The following TULP4 variants were observed in gnomAD, a reference collection of about 807,000 sequenced individuals.
TULP4 encodes tubby-related protein 4.
In TULP4, 16 loss-of-function variants were observed where a neutral mutation model predicts 129.0. That is an observed-to-expected ratio of 0.12 (90% CI 0.08 to 0.19). The LOEUF is 0.19. Among genes scored for constraint, TULP4 ranks in the 10% least tolerant of loss-of-function variants. The pLI is 1.00. For missense variants in TULP4, 1,842 were observed against 2,059.1 expected, an observed-to-expected ratio of 0.89 and a Z score of 2.04; for synonymous variants, 998 against 854.0, an observed-to-expected ratio of 1.17 and a Z score of -2.94.
chr6:158,427,471 CTTTTTTTTTTTTTTTTTTTTTTTT>C lies in TULP4; in HGVS notation c.382-2247_382-2224del, dbSNP rs557678837. The stretch of plus-strand genomic sequence containing the variant: ...AAATTCCTTTTCAAAATTATCAGAC[CTTTTTTTTTTTTTTTTTTTTTTTT>C]TTTTTTTTTTTTTTTTTGAGACGGA... On this transcript the variant is annotated intron_variant, in intron 2 of 13. Coordinates refer to ENST00000367097, the MANE Select transcript of TULP4 (RefSeq NM_020245.5). Among the ~76,000 whole-genome samples, 205 of 74,140 alleles carry C rather than the reference CTTTTTTTTTTTTTTTTTTTTTTTT, an allele frequency of 2.8e-3. 2 individuals are homozygous for C. The highest frequency in any genetic ancestry group is 3.5e-3 in the Non-Finnish European group (150 of 42,370). The allele number at this position is 74,140 out of a possible 152,430, so 48.6% of individuals were successfully genotyped here. A position where few individuals can be genotyped will look rare whatever the true frequency, so the allele number is the denominator to read the frequency against.
chr6:158,485,274 GA>G (rs1311611638), intron 8 of TULP4, among the ~76,000 whole-genome samples: 1 of 152,172 alleles, frequency 6.6e-6, no homozygotes, highest in Non-Finnish European at 1.5e-5. Flanking sequence ...AAGATGAATG[GA>G]AGAAGGAATT....
chr6:158,445,635 C>T (rs1441813515), intron 3 of TULP4, among the ~76,000 whole-genome samples: 1 of 152,134 alleles, frequency 6.6e-6, no homozygotes, highest in Non-Finnish European at 1.5e-5. Flanking sequence ...GGCCCAGAAG[C>T]CTTCACACAT....
chr6:158,276,456 C>A (rs1778648105), intron 1 of TULP4, among the ~76,000 whole-genome samples: 1 of 151,266 alleles, frequency 6.6e-6, no homozygotes. Flanking sequence ...AGGTGTGCAA[C>A]CACCCCCTGG....
chr6:158,446,512 A>G (rs1779046569), intron 3 of TULP4, among the ~76,000 whole-genome samples: 1 of 152,202 alleles, frequency 6.6e-6, no homozygotes, highest in Non-Finnish European at 1.5e-5. Flanking sequence ...TGGAAAAATG[A>G]GTATTAATTC....
chr6:158,474,434 G>C (rs1779765296), intron 6 of TULP4, among the ~76,000 whole-genome samples: 1 of 152,164 alleles, frequency 6.6e-6, no homozygotes, highest in Non-Finnish European at 1.5e-5. Context: ...ATTTTCAGAA[G>C]ACTCTATCCA....
chr6:158,461,640 C>T lies in TULP4; in HGVS notation c.937C>T (p.Leu313Phe). ...GMERQTQLGE[L>F]PNGPLLKSAM... The stretch of plus-strand genomic sequence containing the variant: ...GGAACGGCAGACCCAGCTTGGTGAG[C>T]TTCCCAATGGTCCCCTTCTGAAGAG... The change falls in exon 6 of 14, where the codon CTT becomes TTT. Residue 313 changes from leucine to phenylalanine, a missense_variant. Physicochemically the swap from Leu to Phe is conservative, Grantham distance 22. Coordinates refer to ENST00000367097, the MANE Select transcript of TULP4 (RefSeq NM_020245.5). The T allele has an allele frequency of 1.2e-6, 2 of 1,614,024 alleles. No individual in the cohort carries two copies. Among genetic ancestry groups the T allele is most frequent in the Non-Finnish European group, 1.7e-6 (2 of 1,180,028 alleles).
chr6:158,349,815 C>A (rs1780454875), intron 1 of TULP4, among the ~76,000 whole-genome samples: 1 of 144,358 alleles, frequency 6.9e-6, no homozygotes, highest in African/African-American at 2.6e-5. Flanking sequence ...AGGCGCTCCT[C>A]ACCTCCCAGA....
At chr6:158,311,351 A>G (rs1387838293), upstream of TULP4, among the ~76,000 whole-genome samples, 1 of 151,946 alleles carries the variant, frequency 6.6e-6, no homozygotes, top group Admixed American at 6.5e-5. Context: ...GCTTTCTGGA[A>G]GGACTGGCGG....
intron 1 of TULP4, among the ~76,000 whole-genome samples, chr6:158,239,312 G>A (rs1777800834): frequency 1.8e-5 from 1 of 56,578 alleles, no homozygotes; most frequent in Admixed American, 1.6e-4. Context: ...GGGCGGCCGG[G>A]CAGAGGCGCC....
intron 1 of TULP4, among the ~76,000 whole-genome samples, chr6:158,367,050 T>C (rs1776927448): frequency 8.6e-6 from 1 of 116,038 alleles, no homozygotes; most frequent in Non-Finnish European, 1.8e-5. Flanking sequence ...ACTTTGCTTT[T>C]GGATTGAAAA....
chr6:158,495,487 C>T (rs1780316292), intron 11 of TULP4, among the ~76,000 whole-genome samples: 1 of 152,144 alleles, frequency 6.6e-6, no homozygotes. Context: ...AGGCCTTTTG[C>T]TGTGGGCGGA....
In TULP4 at chr6:158,332,200, AATATATATATATAT is replaced by A. The variant is rs776893885; in HGVS notation, c.252+17948_252+17961del. ...AAAAAAAAAAAAAAAAAAAAAAAAA[AATATATATATATAT>A]ATATATATATATATAAATTGAAAAG... On this transcript the variant is annotated intron_variant, in intron 1 of 13. Transcript: ENST00000367097. 7.0e-3 allele frequency among the ~76,000 whole-genome samples: 127 copies of A among 18,024 alleles called. 2 individuals are homozygous for A. The highest frequency in any genetic ancestry group is 0.011 in the Non-Finnish European group (106 of 9,972). The allele number at this position is 18,024 out of a possible 152,430, so 11.8% of individuals were successfully genotyped here.
At chr6:158,374,250 G>A (rs964394476) in intron 1 of TULP4, among the ~76,000 whole-genome samples, 1 of 148,332 alleles carries the variant, frequency 6.7e-6, no homozygotes, top group Non-Finnish European at 1.5e-5. Flanking sequence ...TTGCGCCACC[G>A]CATTCCAGCC....
intron 1 of TULP4, among the ~76,000 whole-genome samples, chr6:158,332,200 A>AATATATATATATAT (rs776893885): frequency 1.3e-3 from 24 of 17,978 alleles, no homozygotes; most frequent in African/African-American, 4.3e-3. Flanking sequence ...AAAAAAAAAA[A>AATATATATATATAT]ATATATATAT....
intron 5 of TULP4, among the ~76,000 whole-genome samples, chr6:158,453,485 C>CAAAAAAAAAAAAAAAAAAAAAAA (rs869146924): frequency 1.7e-4 from 3 of 17,984 alleles, no homozygotes; most frequent in African/African-American, 6.3e-4. Flanking sequence ...CTCTGTCTCA[C>CAAAAAAAAAAAAAAAAAAAAAAA]AAAAAAAAAA....
intron 1 of TULP4, among the ~76,000 whole-genome samples, chr6:158,256,520 T>G (rs1046393771): frequency 2.0e-5 from 3 of 152,194 alleles, no homozygotes; most frequent in Non-Finnish European, 4.4e-5. Flanking sequence ...AAAACAAGAT[T>G]GGTGGTCTTA....
rs757991181 is a variant in TULP4 at position 158,481,307 on chromosome 6, G to C, written c.1486+18G>C. 8.7e-6 allele frequency: 14 copies of C among 1,603,140 alleles called. No individual in the cohort carries two copies. The highest frequency in any genetic ancestry group is 1.2e-5 in the Non-Finnish European group (14 of 1,174,256). Reference sequence around the variant, plus strand: ...CAAACCAGGTGGGCCCCTCACCCGAGGGACTGGGACCTTGTTCTCCTGTGG... The same window carrying C: ...CAAACCAGGTGGGCCCCTCACCCGACGGACTGGGACCTTGTTCTCCTGTGG... On this transcript the variant is annotated intron_variant, in intron 8 of 13. Coordinates refer to ENST00000367097, the MANE Select transcript of TULP4 (RefSeq NM_020245.5).
rs543782250 is a variant in TULP4, at chr6:158,375,695, G to A, written c.253-37370G>A. Among the ~76,000 whole-genome samples the A allele has an allele frequency of 2.4e-4, 36 of 152,320 alleles. 1 individual carries two copies. The South Asian group carries it at 7.5e-3, about 32-fold the overall frequency. ...TGTAAGAAACACTGTAGGGTAAAAT[G>A]CACGCTGCTTAGTTTCATTAGCAAG... On this transcript the variant is annotated intron_variant, in intron 1 of 13. Transcript: ENST00000367097.
Position 158,314,074 on chromosome 6 carries a change from C to T in TULP4, c.58C>T (p.Leu20=). The T allele has an allele frequency of 3.1e-6, 5 of 1,614,226 alleles. No homozygotes were observed. In the South Asian group the frequency reaches 5.5e-5, roughly 18 times the overall value. The part of the protein sequence containing the change: ...VLCSDSNILC[L]SWKGRVPKSE... Reference sequence around the variant, plus strand: ...TTGCAGCGATTCCAACATCCTGTGCCTGTCCTGGAAGGGGCGTGTCCCCAA... The same window carrying T: ...TTGCAGCGATTCCAACATCCTGTGCTTGTCCTGGAAGGGGCGTGTCCCCAA... Residue 20 remains leucine, a synonymous_variant, in exon 1 of 14, where the codon CTG becomes TTG. Transcript: ENST00000367097.
Sources: allele counts gnomAD v4.1 joint callset (sites outside exome capture counted in the v4.1 genomes callset), GRCh38; gene constraint gnomAD v4.1.1; transcripts MANE v1.5; gene names NCBI Gene and HGNC (gene_info 2026-07-23, HGNC 2026-07-21).